The following FARS2 variants were observed in gnomAD, a reference collection of about 807,000 sequenced individuals.
FARS2 encodes the protein phenylalanine--tRNA ligase, mitochondrial.
A neutral mutation model predicts 46.4 loss-of-function variants in FARS2; 40 were observed. The ratio of observed to expected loss-of-function variants is 0.86; its 90% CI spans 0.67 to 1.12. FARS2 has a LOEUF of 1.12. FARS2 is among the 50% of genes most tolerant of loss of function. FARS2 has a pLI of 0.00. For missense variants in FARS2, 513 were observed against 567.9 expected, an observed-to-expected ratio of 0.90 and a Z score of 0.98; for synonymous variants, 234 against 214.9, an observed-to-expected ratio of 1.09 and a Z score of -0.78.
chr6:5,383,327 A>G (rs554508664), intron 2 of FARS2, among the ~76,000 whole-genome samples: 1 of 152,380 alleles, frequency 6.6e-6, no homozygotes, highest in Admixed American at 6.5e-5. Context: ...TTAGGACTGA[A>G]TAAAGGACTG....
At chr6:5,357,598 T>A (rs1758015029) in intron 1 of FARS2, among the ~76,000 whole-genome samples, 1 of 152,246 alleles carries the variant, frequency 6.6e-6, no homozygotes, top group African/African-American at 2.4e-5. Flanking sequence ...TCTGGAATTA[T>A]AGATCATGTC....
At chr6:5,657,799 A>T (rs1485151732) in intron 6 of FARS2, among the ~76,000 whole-genome samples, 12 of 152,214 alleles carry the variant, frequency 7.9e-5, no homozygotes, top group Non-Finnish European at 1.3e-4. Context: ...TCAGTAGTTT[A>T]TAAAGGAGCA....
At chr6:5,592,976 G>A (rs1347100099) in intron 5 of FARS2, among the ~76,000 whole-genome samples, 1 of 152,154 alleles carries the variant, frequency 6.6e-6, no homozygotes, top group African/African-American at 2.4e-5. Flanking sequence ...CTCTTAAGGC[G>A]ATCGGCGCTT....
chr6:5,281,629 A>AC (rs886590321), intron 1 of FARS2, among the ~76,000 whole-genome samples: 23 of 102,032 alleles, frequency 2.3e-4, no homozygotes, highest in Non-Finnish European at 4.0e-4. Context: ...CCATTCTCCC[A>AC]CCCCCCCTGC....
chr6:5,495,114 C>T (rs1308464996), intron 4 of FARS2, among the ~76,000 whole-genome samples: 1 of 152,204 alleles, frequency 6.6e-6, no homozygotes, highest in Non-Finnish European at 1.5e-5. Flanking sequence ...CCTTCATTTT[C>T]TTCCCTTTTA....
At chr6:5,393,213 C>T (rs1313708459) in intron 2 of FARS2, among the ~76,000 whole-genome samples, 1 of 151,986 alleles carries the variant, frequency 6.6e-6, no homozygotes, top group Non-Finnish European at 1.5e-5. Flanking sequence ...CACAGGTAGA[C>T]TCTCAGGATT....
At chr6:5,387,468 A>G (rs188243805) in intron 2 of FARS2, among the ~76,000 whole-genome samples, 1 of 152,364 alleles carries the variant, frequency 6.6e-6, no homozygotes, top group Admixed American at 6.5e-5. Flanking sequence ...AGTAAAGAAG[A>G]GGACAAAGCC....
chr6:5,721,136 G>A (rs1186691910), intron 6 of FARS2, among the ~76,000 whole-genome samples: 1 of 152,040 alleles, frequency 6.6e-6, no homozygotes. Context: ...TAAAACCATT[G>A]CATATTAACC....
At chr6:5,395,845 C>T (rs1760868214) in intron 2 of FARS2, among the ~76,000 whole-genome samples, 1 of 152,068 alleles carries the variant, frequency 6.6e-6, no homozygotes, top group Admixed American at 6.5e-5. Flanking sequence ...CAAATGTAAC[C>T]TTGCTTATTG....
At chr6:5,620,204 G>A (rs973491690) in intron 6 of FARS2, among the ~76,000 whole-genome samples, 72 of 151,708 alleles carry the variant, frequency 4.7e-4, no homozygotes, top group Admixed American at 4.4e-3. Context: ...CCGTGCACGC[G>A]CACAGACACA....
chr6:5,574,502 G>A (rs891181308), intron 5 of FARS2, among the ~76,000 whole-genome samples: 17 of 152,212 alleles, frequency 1.1e-4, no homozygotes, highest in Non-Finnish European at 1.9e-4. Context: ...CTCAGGAAGA[G>A]AGTGGTTAAA....
At chr6:5,504,344 T>C (rs1228196610) in intron 4 of FARS2, among the ~76,000 whole-genome samples, 1 of 151,856 alleles carries the variant, frequency 6.6e-6, no homozygotes, top group African/African-American at 2.4e-5. Flanking sequence ...AGCTTGATCT[T>C]GCTAAAGTTT....
At chr6:5,544,033 A>T (rs1770799406) in intron 4 of FARS2, among the ~76,000 whole-genome samples, 1 of 152,168 alleles carries the variant, frequency 6.6e-6, no homozygotes, top group Non-Finnish European at 1.5e-5. Context: ...ATCAAGGCAG[A>T]GGCAGGGCTG....
rs542881139 is a variant in FARS2 at position 5,748,969 on chromosome 6, T to C, written c.1218-22322T>C. Among the ~76,000 whole-genome samples the C allele has an allele frequency of 2.6e-5, 4 of 152,320 alleles. No homozygotes were observed. In the South Asian group the frequency reaches 6.2e-4, roughly 24 times the overall value. On this transcript the variant is annotated intron_variant, in intron 6 of 6. Coordinates refer to ENST00000274680, the MANE Select transcript of FARS2 (RefSeq NM_006567.5). The stretch of plus-strand genomic sequence containing the variant: ...GAATCAGGCGAAGATCAAATGTTCA[T>C]TACTGTTATGATGAAACGAGAGGCT...
At position 5,548,036 on chromosome 6, in the gene FARS2, G is replaced by GGA. The variant is rs1177377221; in HGVS notation, c.1065+2697_1065+2698insAG. Among the ~76,000 whole-genome samples, 19 of 152,326 alleles carry GGA rather than the reference G, an allele frequency of 1.2e-4. No homozygotes were observed. In the South Asian group the frequency reaches 2.3e-3, roughly 18 times the overall value. ...GGGGAGGCCTCAGAATCATGGCGGTGGGCGAAAGGCACTTCTTACATGGCA... is the reference window on the plus strand; with the variant it reads ...GGGGAGGCCTCAGAATCATGGCGGTGGAGGCGAAAGGCACTTCTTACATGGCA... On this transcript the variant is annotated intron_variant, in intron 5 of 6. Transcript: ENST00000274680.
At chr6:5,540,086 TC>T (rs1176358971) in intron 4 of FARS2, among the ~76,000 whole-genome samples, 1 of 152,218 alleles carries the variant, frequency 6.6e-6, no homozygotes. Context: ...TTTTCACCTG[TC>T]CCGCTTGGCA....
chr6:5,694,497 C>T (rs548821073), intron 6 of FARS2, among the ~76,000 whole-genome samples: 2 of 152,192 alleles, frequency 1.3e-5, no homozygotes, highest in African/African-American at 4.8e-5. Context: ...AAGTAAGCAG[C>T]TTTTTAAATA....
intron 6 of FARS2, among the ~76,000 whole-genome samples, chr6:5,663,356 A>C (rs1020319290): frequency 4.6e-5 from 7 of 152,288 alleles, no homozygotes; most frequent in Non-Finnish European, 1.0e-4. Flanking sequence ...TTGAACTTTC[A>C]AAAAAATTCT....
chr6:5,310,182 A>C (rs529426087), intron 1 of FARS2, among the ~76,000 whole-genome samples: 80 of 152,308 alleles, frequency 5.3e-4, no homozygotes, highest in Middle Eastern at 3.4e-3. Context: ...TAAGGAAACA[A>C]GAGTAAACAA....
Sources: allele counts gnomAD v4.1 joint callset (sites outside exome capture counted in the v4.1 genomes callset), GRCh38; gene constraint gnomAD v4.1.1; transcripts MANE v1.5; gene names NCBI Gene and HGNC (gene_info 2026-07-23, HGNC 2026-07-21).